Variants in KDM5A observed in about 807,000 individuals in gnomAD.
The protein encoded by KDM5A is lysine-specific demethylase 5A.
Under a neutral mutation model 193.5 loss-of-function variants are expected in KDM5A, and 42 were observed. The ratio of observed to expected loss-of-function variants is 0.22; its 90% CI spans 0.17 to 0.28. The LOEUF (loss-of-function observed/expected upper bound fraction) is 0.28. KDM5A is among the 10% of genes least tolerant of loss of function. The pLI is 1.00. For missense variants in KDM5A, 1,692 were observed against 2,055.1 expected, an observed-to-expected ratio of 0.82 and a Z score of 3.42; for synonymous variants, 796 against 718.1, an observed-to-expected ratio of 1.11 and a Z score of -1.73.
intron 5 of KDM5A, among the ~76,000 whole-genome samples, chr12:359,805 G>C (rs976511542): frequency 4.1e-5 from 6 of 147,668 alleles, no homozygotes; most frequent in Non-Finnish European, 7.5e-5. Flanking sequence ...GAAGAAGGGA[G>C]GGAGGGAGAA....
At chr12:369,491 G>C (rs1253354319) in intron 3 of KDM5A, among the ~76,000 whole-genome samples, 1 of 152,030 alleles carries the variant, frequency 6.6e-6, no homozygotes, top group African/African-American at 2.4e-5. Flanking sequence ...AATTTTGAAG[G>C]GATAAATATT....
chr12:381,666 C>A (rs1188492202), intron 3 of KDM5A, among the ~76,000 whole-genome samples: 1 of 152,074 alleles, frequency 6.6e-6, no homozygotes, highest in African/African-American at 2.4e-5. Context: ...ACAGTGCTTA[C>A]TTACTAACAT....
intron 1 of KDM5A, chr12:388,250 A>T: frequency 2.2e-6 from 1 of 455,792 alleles, no homozygotes; most frequent in South Asian, 1.6e-5. Flanking sequence ...GTGAGATTAT[A>T]ATTAACCTTA....
intron 5 of KDM5A, among the ~76,000 whole-genome samples, chr12:358,111 A>T (rs1315165873): frequency 6.6e-6 from 1 of 152,212 alleles, no homozygotes; most frequent in Non-Finnish European, 1.5e-5. Context: ...TACTTGTTTA[A>T]TGTTTAAGTT....
Position 352,162 on chromosome 12 carries a change from T to TCTTTGTAC in KDM5A, c.1149+35_1149+42dup, listed in dbSNP as rs769364581. 6 of 1,209,734 alleles carry TCTTTGTAC rather than the reference T, an allele frequency of 5.0e-6. No homozygotes were observed. In the Admixed American group the frequency reaches 1.1e-4, roughly 21 times the overall value. 74.9% of individuals were successfully genotyped at this position (1,209,734 alleles called of 1,614,324 possible). On this transcript the variant is annotated intron_variant, in intron 9 of 27. Coordinates refer to ENST00000399788, the MANE Select transcript of KDM5A (RefSeq NM_001042603.3). ...ACTGAAGGCTTTGTACTCAGGTAAA[T>TCTTTGTAC]CTTTGTACCTCCCCGGACCGACCTA...
intron 14 of KDM5A, among the ~76,000 whole-genome samples, chr12:324,254 A>G (rs982115157): frequency 6.6e-6 from 1 of 151,938 alleles, no homozygotes; most frequent in Non-Finnish European, 1.5e-5. Context: ...CTATGATAGT[A>G]CTGCTGCACT....
chr12:337,042 G>C (rs193166110), intron 10 of KDM5A, among the ~76,000 whole-genome samples: 21 of 152,240 alleles, frequency 1.4e-4, no homozygotes, highest in Admixed American at 1.2e-3. Flanking sequence ...AAGGTGACCG[G>C]ATCATGTGGG....
intron 22 of KDM5A, among the ~76,000 whole-genome samples, chr12:308,472 G>A (rs1254472086): frequency 6.6e-6 from 1 of 152,200 alleles, no homozygotes; most frequent in South Asian, 2.1e-4. Context: ...CTATCACCTC[G>A]TAATTCATTC....
chr12:356,749 C>G (rs557778523), intron 5 of KDM5A, among the ~76,000 whole-genome samples: 1 of 152,176 alleles, frequency 6.6e-6, no homozygotes, highest in Admixed American at 6.5e-5. Context: ...AAATAAAACT[C>G]GTGTATGACT....
At chr12:313,402 A>G in intron 19 of KDM5A, among the ~76,000 whole-genome samples, 1 of 152,312 alleles carries the variant, frequency 6.6e-6, no homozygotes, top group East Asian at 1.9e-4. Context: ...TAAGTTTATA[A>G]TAAAATAAAA....
intron 24 of KDM5A, among the ~76,000 whole-genome samples, chr12:297,644 G>C (rs967956066): frequency 6.6e-6 from 1 of 152,172 alleles, no homozygotes; most frequent in African/African-American, 2.4e-5. Flanking sequence ...TCTAGAGAAA[G>C]CTTTCCAGAC....
At chr12:300,979 G>A (rs1041057996) in intron 24 of KDM5A, among the ~76,000 whole-genome samples, 14 of 152,160 alleles carry the variant, frequency 9.2e-5, no homozygotes, top group African/African-American at 3.4e-4. Context: ...GACTAAACCA[G>A]GAAGAAGTTG....
chr12:291,348 G>A (rs1023808415), intron 27 of KDM5A, among the ~76,000 whole-genome samples: 3 of 152,184 alleles, frequency 2.0e-5, no homozygotes, highest in African/African-American at 7.2e-5. Flanking sequence ...GTGTCATTTA[G>A]TTTTGGAATG....
chr12:381,997 G>A (rs1351832910), intron 3 of KDM5A, among the ~76,000 whole-genome samples: 1 of 152,074 alleles, frequency 6.6e-6, no homozygotes, highest in East Asian at 1.9e-4. Context: ...TTTTTGTAGA[G>A]ATGGAGTCTC....
At chr12:362,886 A>C in intron 5 of KDM5A, 77 bp downstream of exon 5, 1 of 1,350,330 alleles carries the variant, frequency 7.4e-7, no homozygotes, top group Non-Finnish European at 1.1e-6. Context: ...TGAGCCAAGG[A>C]GTTCAAGGCT....
chr12:319,663 A>G (rs1182970705), intron 18 of KDM5A, among the ~76,000 whole-genome samples: 1 of 152,136 alleles, frequency 6.6e-6, no homozygotes. Flanking sequence ...CTGAGGTGGG[A>G]GGATTGCTTG....
Position 280,804 on chromosome 12 carries a change from C to G in KDM5A, c.*4652G>C. The G allele has an allele frequency of 4.3e-6, 1 of 232,938 alleles. No individual in the cohort carries two copies. Among genetic ancestry groups the G allele is most frequent in the Admixed American group, 5.6e-5 (1 of 17,790 alleles). The allele number at this position is 232,938 out of a possible 1,614,324, so 14.4% of individuals were successfully genotyped here. A position where few individuals can be genotyped will look rare whatever the true frequency, so the allele number is the denominator to read the frequency against. ...CTGGATTCTTGCTGGAAACAGAAGG[C>G]AGGTGAAATCTTCAGGAATCACTTC... On this transcript the variant is annotated 3_prime_UTR_variant, in exon 28 of 28. Transcript: ENST00000399788.
chr12:372,091 T>C (rs1039473060), intron 3 of KDM5A, among the ~76,000 whole-genome samples: 2 of 152,242 alleles, frequency 1.3e-5, no homozygotes, highest in Non-Finnish European at 2.9e-5. Flanking sequence ...GGCTCTTTTT[T>C]GGTTCCGTAT....
intron 3 of KDM5A, among the ~76,000 whole-genome samples, chr12:383,467 T>A (rs905352702): frequency 1.3e-5 from 2 of 151,970 alleles, no homozygotes; most frequent in Admixed American, 1.3e-4. Flanking sequence ...TCCTCCCACC[T>A]CAACCTCCTA....
Sources: gnomAD v4.1 joint callset for allele counts (sites outside exome capture counted in the v4.1 genomes callset) on GRCh38, gnomAD v4.1.1 for gene constraint, MANE v1.5 for transcripts, NCBI Gene and HGNC (gene_info 2026-07-23, HGNC 2026-07-21) for gene names.